ROBO2: variants seen among roughly 807,000 people sequenced by gnomAD.
ROBO2 encodes roundabout guidance receptor 2.
A neutral mutation model predicts 160.8 loss-of-function variants in ROBO2; 53 were observed. That is an observed-to-expected ratio of 0.33 (90% CI 0.26 to 0.41). The LOEUF (loss-of-function observed/expected upper bound fraction) is 0.41, where lower values mean the gene tolerates loss of function less well. Ranked by LOEUF, ROBO2 falls within the 10% of genes least tolerant of loss-of-function variation. The pLI is 1.00. For missense variants in ROBO2, 1,577 were observed against 1,722.4 expected, an observed-to-expected ratio of 0.92 and a Z score of 1.49; for synonymous variants, 664 against 611.7, an observed-to-expected ratio of 1.09 and a Z score of -1.26.
chr3:75,937,513 G>A (rs760477152), exon 2 of ROBO2: 22 of 1,572,160 alleles, frequency 1.4e-5, no homozygotes, highest in Admixed American at 1.0e-4. Flanking sequence ...AGACATGAAC[G>A]TGTCACTAGA....
At chr3:77,026,543 C>A (rs2062976569) in intron 2 of ROBO2, among the ~76,000 whole-genome samples, 2 of 152,152 alleles carry the variant, frequency 1.3e-5, no homozygotes, top group Admixed American at 1.3e-4. Flanking sequence ...GAGTCTGAAA[C>A]CCAAAGGCAT....
At chr3:76,739,388 C>CCAAA (rs1025104706) in intron 2 of ROBO2, among the ~76,000 whole-genome samples, 4 of 151,090 alleles carry the variant, frequency 2.6e-5, no homozygotes, top group Non-Finnish European at 4.4e-5. Context: ...GGACAAAAAA[C>CCAAA]CAAACACTGC....
chr3:76,415,547 G>A (rs537289292), intron 2 of ROBO2, among the ~76,000 whole-genome samples: 3 of 152,154 alleles, frequency 2.0e-5, no homozygotes, highest in South Asian at 2.1e-4. Flanking sequence ...GGCAAAATGT[G>A]AGCCTACTCA....
chr3:76,316,304 G>A (rs1417232587), intron 2 of ROBO2, among the ~76,000 whole-genome samples: 1 of 152,112 alleles, frequency 6.6e-6, no homozygotes, highest in Non-Finnish European at 1.5e-5. Flanking sequence ...GACACTGCAA[G>A]AGCGACGATT....
At chr3:76,898,101 G>T (rs2074947948) in intron 2 of ROBO2, among the ~76,000 whole-genome samples, 1 of 152,010 alleles carries the variant, frequency 6.6e-6, no homozygotes, top group Non-Finnish European at 1.5e-5. Flanking sequence ...CCACAGAATT[G>T]ACAATAGCAG....
chr3:76,103,896 CCAGGACATA>C lies in ROBO2; in HGVS notation c.109+166296_109+166304del, dbSNP rs1559554759. ...GCAGTGCTTATGCCGAAGTTGATTT[CCAGGACATA>C]CGAGCCCCAGTGAACATAAAAAACC... On this transcript the variant is annotated intron_variant, in intron 2 of 26. Coordinates refer to the ROBO2 transcript ENST00000487694. Among the ~76,000 whole-genome samples, 9 of 152,234 alleles carry C rather than the reference CCAGGACATA, an allele frequency of 5.9e-5. No individual in the cohort carries two copies. In the South Asian group the frequency reaches 6.2e-4, roughly 11 times the overall value.
intron 2 of ROBO2, among the ~76,000 whole-genome samples, chr3:76,622,235 G>GAAAGAAAGAAAGAAAGAAAGAAGGA (rs1343648585): frequency 8.9e-5 from 4 of 44,792 alleles, no homozygotes; most frequent in Admixed American, 3.0e-4. Flanking sequence ...AGGAAGGAAG[G>GAAAGAAAGAAAGAAAGAAAGAAGGA]AAGAAAGAAA....
At chr3:77,121,972 T>A (rs1414304707) in intron 2 of ROBO2, among the ~76,000 whole-genome samples, 1 of 152,148 alleles carries the variant, frequency 6.6e-6, no homozygotes, top group Non-Finnish European at 1.5e-5. Flanking sequence ...TTTAAAAAAA[T>A]TGCCCAAAGC....
intron 2 of ROBO2, among the ~76,000 whole-genome samples, chr3:76,665,456 G>T (rs528430004): frequency 1.3e-5 from 2 of 151,704 alleles, no homozygotes; most frequent in African/African-American, 4.8e-5. Flanking sequence ...TATCTGTTTT[G>T]TTCTTGTCAA....
chr3:76,928,975 C>T (rs1461480052), intron 2 of ROBO2, among the ~76,000 whole-genome samples: 2 of 152,102 alleles, frequency 1.3e-5, no homozygotes, highest in Admixed American at 6.6e-5. Context: ...ACACCCCAAC[C>T]TGGGCCGGGT....
At chr3:77,032,548 T>C (rs1442766966) in intron 2 of ROBO2, among the ~76,000 whole-genome samples, 1 of 152,170 alleles carries the variant, frequency 6.6e-6, no homozygotes, top group African/African-American at 2.4e-5. Context: ...AAAGTTTAAA[T>C]GAATATTTAA....
chr3:76,713,108 A>G (rs1260325409), intron 2 of ROBO2, among the ~76,000 whole-genome samples: 3 of 152,198 alleles, frequency 2.0e-5, no homozygotes, highest in Non-Finnish European at 4.4e-5. Context: ...GCTACTTTCT[A>G]ACATCATATT....
chr3:76,090,761 C>T (rs1195479712), intron 2 of ROBO2, among the ~76,000 whole-genome samples: 3 of 152,144 alleles, frequency 2.0e-5, no homozygotes, highest in Non-Finnish European at 4.4e-5. Context: ...CGGAACGGAA[C>T]GGAACGGAAC....
At chr3:76,236,276 C>T (rs764189596) in intron 2 of ROBO2, among the ~76,000 whole-genome samples, 19 of 151,884 alleles carry the variant, frequency 1.3e-4, no homozygotes, top group Non-Finnish European at 2.2e-4. Flanking sequence ...TGTTTTTAAT[C>T]CTTATATCTT....
At chr3:76,872,881 G>GA (rs1018312278) in intron 2 of ROBO2, among the ~76,000 whole-genome samples, 76 of 150,264 alleles carry the variant, frequency 5.1e-4, no homozygotes, top group South Asian at 1.1e-3. Flanking sequence ...GGCTAGGGAG[G>GA]AAAAAAAAAT....
At chr3:77,451,467 T>C (rs191826465) in intron 2 of ROBO2, among the ~76,000 whole-genome samples, 138 of 152,244 alleles carry the variant, frequency 9.1e-4, no homozygotes, top group Non-Finnish European at 1.5e-3. Flanking sequence ...AAGAAAGTAA[T>C]GCTATTTTAA....
chr3:76,796,162 G>A (rs1014437123), intron 2 of ROBO2, among the ~76,000 whole-genome samples: 1 of 151,954 alleles, frequency 6.6e-6, no homozygotes, highest in African/African-American at 2.4e-5. Flanking sequence ...AATCACCAGG[G>A]CACCAGCTGC....
intron 2 of ROBO2, among the ~76,000 whole-genome samples, chr3:77,262,674 C>T (rs943240361): frequency 6.6e-6 from 1 of 151,980 alleles, no homozygotes; most frequent in African/African-American, 2.4e-5. Flanking sequence ...AAAAAAGCTT[C>T]CCAGAAAAAA....
rs1294938843 is a variant in ROBO2 at position 76,986,967 on chromosome 3, C to T, written c.110-111047C>T. 3.3e-5 allele frequency among the ~76,000 whole-genome samples: 5 copies of T among 152,140 alleles called. No homozygotes were observed. The East Asian group carries it at 9.7e-4, about 29-fold the overall frequency. On this transcript the variant is annotated intron_variant, in intron 2 of 26. Coordinates refer to the ROBO2 transcript ENST00000487694. The stretch of plus-strand genomic sequence containing the variant: ...TCCACACTAACTAAAATGAACGTGA[C>T]ATTATAAAAAACGGATGTCACATCT...
Sources: allele counts gnomAD v4.1 joint callset (sites outside exome capture counted in the v4.1 genomes callset), GRCh38; gene constraint gnomAD v4.1.1; transcripts MANE v1.5; gene names NCBI Gene and HGNC (gene_info 2026-07-23, HGNC 2026-07-21).